The following STMN2 variants were observed in gnomAD, a reference collection of about 807,000 sequenced individuals.
The protein encoded by STMN2 is stathmin 2.
In STMN2, 2 loss-of-function variants were observed where a neutral mutation model predicts 24.1. That is an observed-to-expected ratio of 0.08 (90% CI 0.03 to 0.26). STMN2 has a LOEUF of 0.26. STMN2 is among the 10% of genes least tolerant of loss of function. The probability of loss-of-function intolerance (pLI) is 1.00; values close to 1 mark genes in which losing one functional copy is unlikely to be tolerated. For synonymous variants in STMN2, 83 were observed against 77.5 expected (o/e 1.07, Z -0.37); for missense variants, 114 against 213.6 (o/e 0.53, Z 2.91).
At chr8:79,636,197 A>T (rs1314727107) in intron 1 of STMN2, among the ~76,000 whole-genome samples, 2 of 152,150 alleles carry the variant, frequency 1.3e-5, no homozygotes, top group Non-Finnish European at 2.9e-5. Context: ...AGCCTGGGTA[A>T]CAGAGCAACT....
At chr8:79,657,367 C>T (rs1209638807) in intron 4 of STMN2, among the ~76,000 whole-genome samples, 1 of 152,148 alleles carries the variant, frequency 6.6e-6, no homozygotes, top group Non-Finnish European at 1.5e-5. Flanking sequence ...TGCCCTCCCC[C>T]ATACATGCAT....
intron 4 of STMN2, 34 bp downstream of exon 4, chr8:79,655,096 A>G (rs774575676): frequency 1.9e-5 from 30 of 1,604,856 alleles, no homozygotes; most frequent in African/African-American, 2.7e-5. Context: ...AGATGGATAT[A>G]TTCATATGCA....
intron 3 of STMN2, among the ~76,000 whole-genome samples, chr8:79,643,696 C>A (rs1021829916): frequency 1.3e-5 from 2 of 152,072 alleles, no homozygotes; most frequent in Admixed American, 6.6e-5. Flanking sequence ...ATTAATGAAA[C>A]TGATAAAGCT....
chr8:79,654,944 T>G lies in STMN2; in HGVS notation c.362T>G (p.Leu121Trp). The G allele has an allele frequency of 6.2e-7, 1 of 1,613,956 alleles. No homozygotes were observed. Among genetic ancestry groups the G allele is most frequent in the Non-Finnish European group, 8.5e-7 (1 of 1,179,922 alleles). The change falls in exon 4 of 5, where the codon TTG becomes TGG. Residue 121 changes from leucine (L) to tryptophan (W), a missense_variant. Coordinates refer to ENST00000220876, the MANE Select transcript of STMN2 (RefSeq NM_007029.4). ...GAGCGAGAAGTCCTTCAGAAGGCTT[T>G]GGAGGAGAACAACAACTTCAGCAAG... ...EHEREVLQKA[L>W]EENNNFSKMA...
intron 1 of STMN2, among the ~76,000 whole-genome samples, chr8:79,617,219 TA>T (rs1177100552): frequency 2.0e-5 from 3 of 152,194 alleles, no homozygotes; most frequent in African/African-American, 7.2e-5. Context: ...TCTAACTTTC[TA>T]AGGAAGTCAA....
chr8:79,625,252 G>T (rs755798038), intron 1 of STMN2, among the ~76,000 whole-genome samples: 4 of 151,974 alleles, frequency 2.6e-5, no homozygotes, highest in Non-Finnish European at 5.9e-5. Context: ...CTATATTGAT[G>T]ACTTCTTTTA....
rs1018850496 is a variant in STMN2 at position 79,641,642 on chromosome 8, A to G, written c.288+92A>G. ...CACACATGCACGCACACACACACAC[A>G]CACACACACACACACACACACACAC... is the stretch of plus-strand genomic sequence containing the variant. On this transcript the variant is annotated intron_variant, in intron 3 of 4. Coordinates refer to ENST00000220876, the MANE Select transcript of STMN2 (RefSeq NM_007029.4). 420 of 614,710 alleles carry G rather than the reference A, an allele frequency of 6.8e-4. 3 individuals are homozygous for G. Among genetic ancestry groups the G allele is most frequent in the African/African-American group, 6.5e-3 (346 of 52,998 alleles). 38.1% of individuals were successfully genotyped at this position (614,710 alleles called of 1,614,324 possible). A position where few individuals can be genotyped will look rare whatever the true frequency, so the allele number is the denominator to read the frequency against.
chr8:79,616,966 AAGGATG>A (rs1809394975), intron 1 of STMN2, among the ~76,000 whole-genome samples: 2 of 152,216 alleles, frequency 1.3e-5, no homozygotes, highest in Non-Finnish European at 2.9e-5. Flanking sequence ...CACAGTTGAC[AAGGATG>A]ATAAATCAAT....
intron 3 of STMN2, among the ~76,000 whole-genome samples, chr8:79,650,792 G>C (rs1585905201): frequency 2.0e-5 from 3 of 152,210 alleles, no homozygotes; most frequent in East Asian, 3.9e-4. Flanking sequence ...ATTGACTGCT[G>C]GACAGGTGTC....
At position 79,663,488 on chromosome 8, in the gene STMN2, C is replaced by T. The variant is rs148356404; in HGVS notation, c.481-1327C>T. 590 of 726,056 alleles carry T rather than the reference C, an allele frequency of 8.1e-4. 4 individuals are homozygous for T. In the African/African-American group the frequency reaches 9.5e-3, roughly 12 times the overall value. The allele number at this position is 726,056 out of a possible 1,614,324, so 45.0% of individuals were successfully genotyped here. A position where few individuals can be genotyped will look rare whatever the true frequency, so the allele number is the denominator to read the frequency against. On this transcript the variant is annotated intron_variant, in intron 4 of 4. Transcript: ENST00000220876. ...ATGCAGGTCTGGTACACATTAAGTG[C>T]CTAATAAATATTCAGTATTATGATA...
chr8:79,613,593 T>C (rs1809305008), intron 1 of STMN2: 3 of 985,346 alleles, frequency 3.0e-6, no homozygotes, highest in South Asian at 9.4e-5. Flanking sequence ...ATCGTCATCA[T>C]CAGTATTATT....
chr8:79,625,069 C>T (rs1206535163), intron 1 of STMN2, among the ~76,000 whole-genome samples: 1 of 152,148 alleles, frequency 6.6e-6, no homozygotes, highest in African/African-American at 2.4e-5. Context: ...GTGACTTGCT[C>T]CTGATCACAA....
intron 3 of STMN2, among the ~76,000 whole-genome samples, chr8:79,651,988 A>G (rs551688401): frequency 1.2e-4 from 19 of 152,360 alleles, no homozygotes; most frequent in African/African-American, 3.6e-4. Context: ...GAGGAGGAGC[A>G]GGAAGGAATT....
chr8:79,664,645 G>A (rs530957114), intron 4 of STMN2, among the ~76,000 whole-genome samples, 170 bp from the exon 5 acceptor site: 1 of 151,952 alleles, frequency 6.6e-6, no homozygotes, highest in Non-Finnish European at 1.5e-5. Flanking sequence ...AGTAAGTCTT[G>A]TAAGATCTTT....
At chr8:79,643,666 A>T (rs1470518795) in intron 3 of STMN2, among the ~76,000 whole-genome samples, 2 of 152,172 alleles carry the variant, frequency 1.3e-5, no homozygotes, top group African/African-American at 4.8e-5. Context: ...GTGTTCTTAT[A>T]AGAGTCCCTG....
intron 1 of STMN2, among the ~76,000 whole-genome samples, chr8:79,627,623 C>G (rs1809687960): frequency 6.6e-6 from 1 of 152,182 alleles, no homozygotes; most frequent in South Asian, 2.1e-4. Context: ...GATAGTTAAA[C>G]AATTTGAAAT....
chr8:79,632,468 G>A (rs1809826998), intron 1 of STMN2, among the ~76,000 whole-genome samples: 1 of 152,186 alleles, frequency 6.6e-6, no homozygotes, highest in Non-Finnish European at 1.5e-5. Flanking sequence ...CAAGAGAAAG[G>A]AAAAGTGGAG....
intron 1 of STMN2, among the ~76,000 whole-genome samples, chr8:79,624,914 C>A (rs753083924): frequency 6.6e-6 from 1 of 152,166 alleles, no homozygotes; most frequent in Non-Finnish European, 1.5e-5. Context: ...GTTATCATAT[C>A]CCTTGTTATT....
chr8:79,611,735 AT>A, intron 1 of STMN2: 1 of 984,028 alleles, frequency 1.0e-6, no homozygotes, highest in Non-Finnish European at 1.2e-6. Flanking sequence ...AACTGGGCAC[AT>A]TTTACGGTAT....
Sources: gnomAD v4.1 joint callset for allele counts (sites outside exome capture counted in the v4.1 genomes callset) on GRCh38, gnomAD v4.1.1 for gene constraint, MANE v1.5 for transcripts, NCBI Gene and HGNC (gene_info 2026-07-23, HGNC 2026-07-21) for gene names.